NPAS3: variants seen among roughly 807,000 people sequenced by gnomAD.
NPAS3 encodes neuronal PAS domain-containing protein 3.
A neutral mutation model predicts 73.1 loss-of-function variants in NPAS3; 14 were observed. That is an observed-to-expected ratio of 0.19 (90% CI 0.13 to 0.30). NPAS3 has a LOEUF of 0.30. Among genes scored for constraint, NPAS3 ranks in the 10% least tolerant of loss-of-function variants. NPAS3 has a pLI of 1.00. For missense variants in NPAS3, 1,096 were observed against 1,250.0 expected (o/e 0.88, Z 1.86); for synonymous variants, 620 against 541.5 (o/e 1.14, Z -2.01).
chr14:33,025,352 T>C (rs960730549), intron 1 of NPAS3, among the ~76,000 whole-genome samples: 1 of 152,172 alleles, frequency 6.6e-6, no homozygotes. Flanking sequence ...GTTGCCAGAA[T>C]TGAATATATA....
intron 7 of NPAS3, among the ~76,000 whole-genome samples, chr14:33,750,430 T>C (rs2061931982): frequency 6.6e-6 from 1 of 152,178 alleles, no homozygotes; most frequent in Non-Finnish European, 1.5e-5. Flanking sequence ...CTAGAGCTTA[T>C]CTACTTCAGT....
chr14:33,669,328 A>T (rs969714417), intron 5 of NPAS3, among the ~76,000 whole-genome samples: 1 of 152,168 alleles, frequency 6.6e-6, no homozygotes, highest in African/African-American at 2.4e-5. Context: ...CACTTGAAAA[A>T]TTCAAAACTA....
intron 4 of NPAS3, among the ~76,000 whole-genome samples, chr14:33,436,197 T>C (rs1457259370): frequency 6.6e-6 from 1 of 152,208 alleles, no homozygotes; most frequent in Non-Finnish European, 1.5e-5. Flanking sequence ...TCCTTTCTCG[T>C]GCATGTAAGT....
chr14:33,164,100 G>A (rs568581442), intron 2 of NPAS3, among the ~76,000 whole-genome samples: 2 of 152,314 alleles, frequency 1.3e-5, no homozygotes, highest in African/African-American at 2.4e-5. Context: ...AAGGTTTGAT[G>A]TGAGATTTTA....
chr14:33,026,483 C>T (rs1451404054), intron 1 of NPAS3, among the ~76,000 whole-genome samples: 1 of 151,938 alleles, frequency 6.6e-6, no homozygotes, highest in Non-Finnish European at 1.5e-5. Flanking sequence ...GAAGAAGTCA[C>T]TCATGTTAAC....
chr14:33,290,502 A>G lies in NPAS3; in HGVS notation c.385+75076A>G, dbSNP rs568847214. On this transcript the variant is annotated intron_variant, in intron 3 of 11. Coordinates refer to ENST00000356141, the Ensembl canonical transcript of NPAS3. The stretch of plus-strand genomic sequence containing the variant: ...TTAAATTCAAATATATGTGTGAATA[A>G]ATGGACATGTGCTTAATGCCAGCAG... 4.6e-5 allele frequency among the ~76,000 whole-genome samples: 7 copies of G among 152,338 alleles called. No homozygotes were observed. The East Asian group carries it at 7.7e-4, about 17-fold the overall frequency.
chr14:33,447,931 C>G (rs1447149918), intron 4 of NPAS3, among the ~76,000 whole-genome samples: 1 of 151,938 alleles, frequency 6.6e-6, no homozygotes, highest in Non-Finnish European at 1.5e-5. Context: ...AAAACAAAAA[C>G]AGAAGGATTA....
chr14:32,957,538 A>AT (rs926486466), intron 1 of NPAS3, among the ~76,000 whole-genome samples: 14 of 151,590 alleles, frequency 9.2e-5, no homozygotes, highest in African/African-American at 1.9e-4. Context: ...CGCCCGGCTA[A>AT]TTTTTTTGTA....
At chr14:33,771,958 CTT>C (rs2062667821) in intron 7 of NPAS3, among the ~76,000 whole-genome samples, 2 of 152,264 alleles carry the variant, frequency 1.3e-5, no homozygotes, top group African/African-American at 4.8e-5. Context: ...AGCTAGGTGA[CTT>C]TGGACAGGGA....
chr14:33,736,654 T>G (rs1318644847), intron 7 of NPAS3, among the ~76,000 whole-genome samples: 2 of 152,156 alleles, frequency 1.3e-5, no homozygotes, highest in Admixed American at 6.5e-5. Flanking sequence ...TCTTGTTATT[T>G]TAATGCTAGA....
intron 4 of NPAS3, among the ~76,000 whole-genome samples, chr14:33,405,734 A>C (rs534180715): frequency 9.9e-5 from 15 of 152,262 alleles, no homozygotes; most frequent in African/African-American, 3.1e-4. Context: ...TTCTTCTATA[A>C]TAACAGGTGA....
intron 4 of NPAS3, among the ~76,000 whole-genome samples, chr14:33,499,546 T>A (rs762201926): frequency 8.6e-5 from 13 of 151,938 alleles, no homozygotes; most frequent in Non-Finnish European, 1.6e-4. Flanking sequence ...AGATCACTTG[T>A]AAGCTCCAGC....
At chr14:33,655,053 A>T (rs2059105189) in intron 5 of NPAS3, among the ~76,000 whole-genome samples, 1 of 152,216 alleles carries the variant, frequency 6.6e-6, no homozygotes, top group African/African-American at 2.4e-5. Flanking sequence ...AACTGCCTCC[A>T]CTGTACGGAT....
At position 33,800,068 on chromosome 14, in the gene NPAS3, C is replaced by G. The variant is rs748665098; in HGVS notation, c.1761C>G (p.Gly587=). Residue 587 remains glycine, a synonymous_variant, in exon 12 of 12, where the codon GGC becomes GGG. Coordinates refer to ENST00000356141, the Ensembl canonical transcript of NPAS3. The surrounding 1 kb of genome is among the most constrained non-coding windows in gnomAD (Gnocchi z 6.5). ...GCGCCAAGGACTCGGACAGCGCAGG[C>G]GAGGCGGGCGCGCAGGCCTCCAGCA... 6.2e-7 allele frequency: 1 copy of G among 1,600,732 alleles called. No homozygotes were observed. The highest frequency in any genetic ancestry group is 8.5e-7 in the Non-Finnish European group (1 of 1,176,918).
intron 1 of NPAS3, among the ~76,000 whole-genome samples, chr14:33,002,546 G>A (rs951635059): frequency 3.9e-5 from 6 of 152,186 alleles, no homozygotes; most frequent in Non-Finnish European, 2.9e-5. Flanking sequence ...ACAGCGAAGT[G>A]GCCCTGTGCC....
chr14:33,355,310 CT>C (rs1269908902), intron 3 of NPAS3, among the ~76,000 whole-genome samples: 2 of 151,878 alleles, frequency 1.3e-5, no homozygotes, highest in Non-Finnish European at 2.9e-5. Context: ...AACCGTTGCT[CT>C]TTTTTTTGAG....
chr14:33,506,835 A>G (rs2052788413), intron 4 of NPAS3, among the ~76,000 whole-genome samples: 1 of 151,950 alleles, frequency 6.6e-6, no homozygotes, highest in Admixed American at 6.6e-5. Flanking sequence ...TGAAGTAGGA[A>G]TTTGTATGTT....
chr14:33,130,964 C>A (rs557201466), intron 2 of NPAS3, among the ~76,000 whole-genome samples: 185 of 152,210 alleles, frequency 1.2e-3, no homozygotes, highest in Non-Finnish European at 2.0e-3. Context: ...ACGGAAGCCT[C>A]AGAGATGGGT....
intron 1 of NPAS3, among the ~76,000 whole-genome samples, chr14:33,026,694 A>G (rs993289510): frequency 2.0e-5 from 3 of 151,972 alleles, no homozygotes; most frequent in Non-Finnish European, 4.4e-5. Flanking sequence ...CTTCCAATTC[A>G]TTCACTCCTA....
Sources: gnomAD v4.1 joint callset for allele counts (sites outside exome capture counted in the v4.1 genomes callset) on GRCh38, gnomAD v4.1.1 for gene constraint, Gnocchi (gnomAD v3.1) non-coding constraint, MANE v1.5 for transcripts, NCBI Gene and HGNC (gene_info 2026-07-23, HGNC 2026-07-21) for gene names.